Variants in RAB18 observed in about 807,000 individuals in gnomAD.
The protein encoded by RAB18 is RAB18, member RAS oncogene family.
A neutral mutation model predicts 28.5 loss-of-function variants in RAB18; 10 were observed. The ratio of observed to expected loss-of-function variants is 0.35; its 90% CI spans 0.22 to 0.60. The LOEUF is 0.60. Among genes scored for constraint, RAB18 ranks in the 20% least tolerant of loss-of-function variants. The pLI is 0.78. For missense variants in RAB18, 188 were observed against 244.2 expected, an observed-to-expected ratio of 0.77 and a Z score of 1.53; for synonymous variants, 93 against 86.9, an observed-to-expected ratio of 1.07 and a Z score of -0.39.
chr10:27,538,777 A>G lies in RAB18; in HGVS notation c.*726A>G, dbSNP rs534471440. Reference sequence around the variant, plus strand: ...TTATGTGGTGTTTGGCAGAATGACAATAAGGTTTTCCCCCATTTTGGTTTC... The same window carrying G: ...TTATGTGGTGTTTGGCAGAATGACAGTAAGGTTTTCCCCCATTTTGGTTTC... On this transcript the variant is annotated 3_prime_UTR_variant, in exon 7 of 7. Transcript: ENST00000356940. 1.1e-5 allele frequency: 5 copies of G among 454,108 alleles called. No homozygotes were observed. The highest frequency in any genetic ancestry group is 2.3e-5 in the Admixed American group (1 of 42,572). The allele number at this position is 454,108 out of a possible 1,614,324, so 28.1% of individuals were successfully genotyped here. A position where few individuals can be genotyped will look rare whatever the true frequency, so the allele number is the denominator to read the frequency against.
rs1303956204 is a variant in RAB18, at chr10:27,539,377, C to G, written c.*1326C>G. 3.4e-6 allele frequency: 1 copy of G among 292,310 alleles called. No homozygotes were observed. Among genetic ancestry groups the G allele is most frequent in the African/African-American group, 2.3e-5 (1 of 44,266 alleles). 18.1% of individuals were successfully genotyped at this position (292,310 alleles called of 1,614,324 possible). A position where few individuals can be genotyped will look rare whatever the true frequency, so the allele number is the denominator to read the frequency against. Reference sequence around the variant, plus strand: ...AAATGATAAGCATTTTTGTGAGTGACCACCTTTGCAATATGTTTGTTAATT... The same window carrying G: ...AAATGATAAGCATTTTTGTGAGTGAGCACCTTTGCAATATGTTTGTTAATT... On this transcript the variant is annotated 3_prime_UTR_variant, in exon 7 of 7. Coordinates refer to ENST00000356940, the MANE Select transcript of RAB18 (RefSeq NM_021252.5).
At position 27,538,737 on chromosome 10, in the gene RAB18, G is replaced by C. The variant is rs1391441858; in HGVS notation, c.*686G>C. The C allele has an allele frequency of 1.1e-5, 5 of 453,968 alleles. No homozygotes were observed. 28.1% of individuals were successfully genotyped at this position (453,968 alleles called of 1,614,324 possible). On this transcript the variant is annotated 3_prime_UTR_variant, in exon 7 of 7. Transcript: ENST00000356940. The stretch of plus-strand genomic sequence containing the variant: ...TGATATGTACATTGGATTCATGACT[G>C]TGCAGCATTTTTAGTTATGTGGTGT...
chr10:27,509,900 A>T lies in RAB18; in HGVS notation c.94A>T (p.Thr32Ser). Residue 32 changes from threonine to serine, a missense_variant, in exon 2 of 7, where the codon ACG becomes TCG. By Grantham distance (58) the Thr-to-Ser change is moderately conservative. Transcript: ENST00000356940. ...SSLLLRFTDD[T>S]FDPELAATIG... ...CCTGCTCTTGAGGTTCACAGATGAT[A>T]CGTTTGATCCAGAACTTGCAGCAAC... 1 of 1,613,206 alleles carries T rather than the reference A, an allele frequency of 6.2e-7. No individual in the cohort carries two copies. Among genetic ancestry groups the T allele is most frequent in the Non-Finnish European group, 8.5e-7 (1 of 1,179,418 alleles).
intron 3 of RAB18, among the ~76,000 whole-genome samples, chr10:27,530,295 C>G (rs1834760809): frequency 6.6e-6 from 1 of 151,950 alleles, no homozygotes; most frequent in South Asian, 2.1e-4. Context: ...GGAAAAATAG[C>G]TGCTTCTTAA....
At chr10:27,532,027 AAC>A (rs1224784624) in intron 3 of RAB18, among the ~76,000 whole-genome samples, 1 of 152,052 alleles carries the variant, frequency 6.6e-6, no homozygotes, top group Non-Finnish European at 1.5e-5. Context: ...AAAAGAGCCC[AAC>A]CTAAAAATCT....
At chr10:27,529,220 A>T (rs1834739993) in intron 3 of RAB18, among the ~76,000 whole-genome samples, 1 of 151,728 alleles carries the variant, frequency 6.6e-6, no homozygotes, top group South Asian at 2.1e-4. Context: ...ATTGTTAAGG[A>T]TGAATATGGG....
intron 6 of RAB18, among the ~76,000 whole-genome samples, chr10:27,534,814 A>C (rs1195014868): frequency 6.6e-6 from 1 of 152,234 alleles, no homozygotes; most frequent in Non-Finnish European, 1.5e-5. Flanking sequence ...AATGAAGTTG[A>C]GAGGACTTCA....
Position 27,538,261 on chromosome 10 carries a change from T to C in RAB18, c.*210T>C, listed in dbSNP as rs767690436. The C allele has an allele frequency of 8.8e-6, 6 of 678,236 alleles. No homozygotes were observed. In the South Asian group the frequency reaches 9.0e-5, roughly 10 times the overall value. The allele number at this position is 678,236 out of a possible 1,614,324, so 42.0% of individuals were successfully genotyped here. A position where few individuals can be genotyped will look rare whatever the true frequency, so the allele number is the denominator to read the frequency against. ...GTTTGCAGTCTACAGTTTTTTTATG[T>C]AGCACAAAATAGGTGTACCTTTATA... On this transcript the variant is annotated 3_prime_UTR_variant, in exon 7 of 7. Coordinates refer to ENST00000356940, the MANE Select transcript of RAB18 (RefSeq NM_021252.5).
chr10:27,511,742 G>A (rs938934916), intron 2 of RAB18, among the ~76,000 whole-genome samples: 1 of 152,076 alleles, frequency 6.6e-6, no homozygotes, highest in African/African-American at 2.4e-5. Flanking sequence ...TATATTTCTT[G>A]TAGAGAGATA....
At chr10:27,535,398 A>G (rs1251475458) in intron 6 of RAB18, among the ~76,000 whole-genome samples, 1 of 152,176 alleles carries the variant, frequency 6.6e-6, no homozygotes, top group East Asian at 1.9e-4. Context: ...TCTCAGGCTG[A>G]GAGAGGAGCA....
In RAB18 at chr10:27,535,866, T is replaced by C. The variant is rs192051696; in HGVS notation, c.445+1872T>C. Among the ~76,000 whole-genome samples the C allele has an allele frequency of 6.1e-3, 934 of 152,038 alleles. 11 individuals carry two copies. Among genetic ancestry groups the C allele is most frequent in the South Asian group, 0.032 (155 of 4,808 alleles). Reference sequence around the variant, plus strand: ...CTTTGGGAGGCCGAGGCAGGCGGATTACGAGGTCAGGAGATCGAGACCATG... The same window carrying C: ...CTTTGGGAGGCCGAGGCAGGCGGATCACGAGGTCAGGAGATCGAGACCATG... On this transcript the variant is annotated intron_variant, in intron 6 of 6. Transcript: ENST00000356940.
chr10:27,535,039 A>G (rs1834864888), intron 6 of RAB18, among the ~76,000 whole-genome samples: 1 of 152,204 alleles, frequency 6.6e-6, no homozygotes, highest in Admixed American at 6.5e-5. Flanking sequence ...ATAAGTAAGT[A>G]GTGCTATGAA....
Position 27,538,357 on chromosome 10 carries a change from G to A in RAB18, c.*306G>A. On this transcript the variant is annotated 3_prime_UTR_variant, in exon 7 of 7. Transcript: ENST00000356940. ...AAAATCCATCTATCTAGGATATGTT[G>A]ATACAAAGTCTGCTTTTGCTATTCT... 2.0e-6 allele frequency: 1 copy of A among 499,798 alleles called. No individual in the cohort carries two copies. The highest frequency in any genetic ancestry group is 3.9e-6 in the Non-Finnish European group (1 of 257,498). 31.0% of individuals were successfully genotyped at this position (499,798 alleles called of 1,614,324 possible).
At chr10:27,522,396 G>A (rs980678226) in intron 2 of RAB18, among the ~76,000 whole-genome samples, 3 of 152,032 alleles carry the variant, frequency 2.0e-5, no homozygotes, top group African/African-American at 7.2e-5. Flanking sequence ...GTTACTATTT[G>A]TATGGAATAT....
At chr10:27,537,598 G>A (rs1012524706) in intron 6 of RAB18, among the ~76,000 whole-genome samples, 5 of 152,306 alleles carry the variant, frequency 3.3e-5, no homozygotes, top group Admixed American at 2.0e-4. Context: ...CGCTATTTAA[G>A]TAGGGCTTTA....
rs1180262330 is a variant in RAB18, at chr10:27,539,061, G to A, written c.*1010G>A. Reference sequence around the variant, plus strand: ...TTGCTTCCAGATTCTGATGTGTGAGGGAAAATACTGTCACAATGAAAATCT... The same window carrying A: ...TTGCTTCCAGATTCTGATGTGTGAGAGAAAATACTGTCACAATGAAAATCT... On this transcript the variant is annotated 3_prime_UTR_variant, in exon 7 of 7. Coordinates refer to ENST00000356940, the MANE Select transcript of RAB18 (RefSeq NM_021252.5). 2.1e-5 allele frequency: 9 copies of A among 427,268 alleles called. No homozygotes were observed. The East Asian group carries it at 6.4e-4, about 30-fold the overall frequency. The allele number at this position is 427,268 out of a possible 1,614,324, so 26.5% of individuals were successfully genotyped here. A position where few individuals can be genotyped will look rare whatever the true frequency, so the allele number is the denominator to read the frequency against.
rs1352744227 is a variant in RAB18, at chr10:27,539,546, A to G, written c.*1495A>G. 2.5e-6 allele frequency: 1 copy of G among 407,056 alleles called. No individual in the cohort carries two copies. The highest frequency in any genetic ancestry group is 3.1e-5 in the Admixed American group (1 of 32,676). 25.2% of individuals were successfully genotyped at this position (407,056 alleles called of 1,614,324 possible). A position where few individuals can be genotyped will look rare whatever the true frequency, so the allele number is the denominator to read the frequency against. ...TGCTTTTACTAAATATACAAGATTT[A>G]CTACTAGAAATTTGGAGAAAGAACA... On this transcript the variant is annotated 3_prime_UTR_variant, in exon 7 of 7. Coordinates refer to ENST00000356940, the MANE Select transcript of RAB18 (RefSeq NM_021252.5).
In RAB18 at chr10:27,520,916, CAAAAAAAA is replaced by C. The variant is rs58688075; in HGVS notation, c.125-5894_125-5887del. On this transcript the variant is annotated intron_variant, in intron 2 of 6. Transcript: ENST00000356940. ...TGGGTGACAGAGCAAGACTCCATCT[CAAAAAAAA>C]AAAAAAAAAAAAAAAAAGAAAATTT... 2.5e-4 allele frequency among the ~76,000 whole-genome samples: 10 copies of C among 40,094 alleles called. No individual in the cohort carries two copies. The South Asian group carries it at 4.0e-3, about 16-fold the overall frequency. 26.3% of individuals were successfully genotyped at this position (40,094 alleles called of 152,430 possible). A position where few individuals can be genotyped will look rare whatever the true frequency, so the allele number is the denominator to read the frequency against.
At chr10:27,506,821 C>G (rs1045546266) in intron 1 of RAB18, among the ~76,000 whole-genome samples, 1 of 152,018 alleles carries the variant, frequency 6.6e-6, no homozygotes, top group Admixed American at 6.6e-5. Flanking sequence ...TTCATGCCAC[C>G]GAAACAAAGA....
Sources: allele counts gnomAD v4.1 joint callset (sites outside exome capture counted in the v4.1 genomes callset), GRCh38; gene constraint gnomAD v4.1.1; transcripts MANE v1.5; gene names NCBI Gene and HGNC (gene_info 2026-07-23, HGNC 2026-07-21).